The following MED24 variants were observed in gnomAD, a reference collection of about 807,000 sequenced individuals.
MED24 encodes the protein mediator complex subunit 24, also known as mediator of RNA polymerase II transcription subunit 24.
In MED24, 74 loss-of-function variants were observed where a neutral mutation model predicts 118.8. The observed-to-expected ratio is 0.62, with a 90% CI of 0.52 to 0.76. MED24 has a LOEUF of 0.76. Among genes scored for constraint, MED24 ranks in the 30% least tolerant of loss-of-function variants. MED24 has a pLI of 0.00. For synonymous variants in MED24, 521 were observed against 523.9 expected (o/e 0.99, Z 0.08); for missense variants, 1,041 against 1,278.9 (o/e 0.81, Z 2.84).
chr17:40,027,831 C>T, intron 15 of MED24, 78 bp downstream of exon 15: 2 of 1,473,068 alleles, frequency 1.4e-6, no homozygotes, highest in South Asian at 1.1e-5. Flanking sequence ...AGCTGGGGAG[C>T]CCTCCTCCCT....
chr17:40,053,957 C>T (rs898803730), intron 1 of MED24: 4 of 443,060 alleles, frequency 9.0e-6, no homozygotes, highest in African/African-American at 7.8e-5. Flanking sequence ...ATGGAGAAAC[C>T]TCGTCTCCAC....
rs778231409 is a variant in MED24, at chr17:40,053,293, C to T, written c.213+5G>A. ...CTTCTTGGTGGGGGTTTGCGGGAAGCTTACCTGGGAACTAATGGCATACTT... is the reference window on the plus strand; with the variant it reads ...CTTCTTGGTGGGGGTTTGCGGGAAGTTTACCTGGGAACTAATGGCATACTT... On this transcript the variant is annotated splice_donor_5th_base_variant and intron_variant, in intron 3 of 25. Transcript: ENST00000394128. 7 of 1,597,662 alleles carry T rather than the reference C, an allele frequency of 4.4e-6. No individual in the cohort carries two copies. Among genetic ancestry groups the T allele is most frequent in the Non-Finnish European group, 6.0e-6 (7 of 1,172,024 alleles).
chr17:40,042,202 C>G (rs1984629275), intron 3 of MED24, among the ~76,000 whole-genome samples: 1 of 152,110 alleles, frequency 6.6e-6, no homozygotes, highest in South Asian at 2.1e-4. Context: ...TCAAGGAAAT[C>G]TGGATTAAAA....
In MED24 at chr17:40,033,651, G is replaced by A. The variant is rs1568165968; in HGVS notation, c.560-195C>T. The A allele has an allele frequency of 2.9e-6, 2 of 691,986 alleles. No individual in the cohort carries two copies. The highest frequency in any genetic ancestry group is 1.5e-5 in the South Asian group (1 of 66,632). The allele number at this position is 691,986 out of a possible 1,614,324, so 42.9% of individuals were successfully genotyped here. A position where few individuals can be genotyped will look rare whatever the true frequency, so the allele number is the denominator to read the frequency against. Reference sequence around the variant, plus strand: ...AGAAGGGGGGTGGGCACCTAGAGCTGGAAACCCCAGAGACCATTCCCAAAA... The same window carrying A: ...AGAAGGGGGGTGGGCACCTAGAGCTAGAAACCCCAGAGACCATTCCCAAAA... On this transcript the variant is annotated intron_variant, in intron 6 of 25. Coordinates refer to ENST00000394128, the MANE Select transcript of MED24 (RefSeq NM_014815.4). The surrounding 1 kb of genome is among the most constrained non-coding windows in gnomAD (Gnocchi z 5.2).
In MED24 at chr17:40,023,267, CGCTTGGGGGGCA is replaced by C. The variant is rs1982254033; in HGVS notation, c.2102_2113del (p.Leu701_Lys704del). 4 of 1,614,024 alleles carry C rather than the reference CGCTTGGGGGGCA, an allele frequency of 2.5e-6. No homozygotes were observed. The South Asian group carries it at 4.4e-5, about 18-fold the overall frequency. On this transcript the variant is annotated inframe_deletion, in exon 20 of 26. Transcript: ENST00000394128. ...GTCCGTCAGCACCTCTTTGATGGGC[CGCTTGGGGGGCA>C]GCAGGTTCCAGTAGGGCATTGTGTC...
Position 40,035,603 on chromosome 17 carries a change from G to C in MED24, c.326+119C>G. 3 of 1,108,050 alleles carry C rather than the reference G, an allele frequency of 2.7e-6. No individual in the cohort carries two copies. The South Asian group carries it at 4.5e-5, about 17-fold the overall frequency. 68.6% of individuals were successfully genotyped at this position (1,108,050 alleles called of 1,614,324 possible). A position where few individuals can be genotyped will look rare whatever the true frequency, so the allele number is the denominator to read the frequency against. On this transcript the variant is annotated intron_variant, in intron 5 of 25. Transcript: ENST00000394128. ...GGCACAGGTAAGTGTAGATGGGCAG[G>C]TGGGGAGAAAAAACGTTGGAACCCG...
intron 3 of MED24, among the ~76,000 whole-genome samples, chr17:40,045,243 G>GT (rs1428412275): frequency 7.9e-5 from 12 of 151,968 alleles, no homozygotes; most frequent in Non-Finnish European, 1.8e-4. Context: ...GAGGTCAGGA[G>GT]TTTGAGACCA....
At chr17:40,026,581 T>C (rs1982676432) in intron 18 of MED24, 66 bp downstream of exon 18, 1 of 1,444,704 alleles carries the variant, frequency 6.9e-7, no homozygotes, top group Non-Finnish European at 9.5e-7. Context: ...TTACGAAATA[T>C]AACAAGTCAT....
chr17:40,028,720 T>A, intron 14 of MED24, 106 bp downstream of exon 14: 4 of 1,469,950 alleles, frequency 2.7e-6, no homozygotes, highest in Non-Finnish European at 3.7e-6. Context: ...GGCCCGTGGG[T>A]CTCTGGATGA....
Position 40,019,479 on chromosome 17 carries a change from G to A in MED24, c.*50C>T, listed in dbSNP as rs1021258390. ...TTTCCTCACTGCTTCCCTTGGAGGC[G>A]CCTGGGGCTGCGCCAGTCCCCAGCC... On this transcript the variant is annotated 3_prime_UTR_variant, in exon 26 of 26. Transcript: ENST00000394128. The A allele has an allele frequency of 5.3e-6, 8 of 1,500,058 alleles. No individual in the cohort carries two copies. The highest frequency in any genetic ancestry group is 4.2e-5 in the African/African-American group (3 of 72,222). 92.9% of individuals were successfully genotyped at this position (1,500,058 alleles called of 1,614,324 possible). A position where few individuals can be genotyped will look rare whatever the true frequency, so the allele number is the denominator to read the frequency against.
rs8066494 is a variant in MED24 at position 40,047,151 on chromosome 17, T to C, written c.213+6147A>G. The stretch of plus-strand genomic sequence containing the variant: ...ATAAAAAGAATGTACTATTAACATA[T>C]ACAACATAAATAATAAATCTCAAAA... On this transcript the variant is annotated intron_variant, in intron 3 of 25. Coordinates refer to ENST00000394128, the MANE Select transcript of MED24 (RefSeq NM_014815.4). Among the ~76,000 whole-genome samples the C allele has an allele frequency of 5.1e-3, 783 of 152,232 alleles. 5 individuals are homozygous for C. The highest frequency in any genetic ancestry group is 0.018 in the African/African-American group (746 of 41,532).
At chr17:40,051,747 A>G (rs1016962221) in intron 3 of MED24, among the ~76,000 whole-genome samples, 2 of 150,994 alleles carry the variant, frequency 1.3e-5, no homozygotes, top group Non-Finnish European at 2.9e-5. Flanking sequence ...AAATGGTAAA[A>G]CCTCATCTCT....
chr17:40,046,376 C>T (rs1257216442), intron 3 of MED24, among the ~76,000 whole-genome samples: 2 of 148,854 alleles, frequency 1.3e-5, no homozygotes, highest in Admixed American at 6.8e-5. Flanking sequence ...TGATCCACTG[C>T]GCCCAGCCTA....
At chr17:40,047,715 T>C (rs546021019) in intron 3 of MED24, among the ~76,000 whole-genome samples, 86 of 151,182 alleles carry the variant, frequency 5.7e-4, no homozygotes, top group African/African-American at 2.0e-3. Flanking sequence ...AAAAAAACCC[T>C]GACTGAATTG....
chr17:40,033,144 T>C lies in MED24; in HGVS notation c.734A>G (p.His245Arg), dbSNP rs1983574958. The C allele has an allele frequency of 6.2e-7, 1 of 1,614,060 alleles. No homozygotes were observed. Among genetic ancestry groups the C allele is most frequent in the Non-Finnish European group, 8.5e-7 (1 of 1,180,018 alleles). The change falls in exon 8 of 26, where the codon CAC (histidine) becomes CGC (arginine). Residue 245 changes from histidine (H) to arginine (R), a missense_variant. His to Arg is a conservative substitution (Grantham distance 29, BLOSUM62 0). This residue lies in a region of MED24 where 434 missense variants were observed against 514.9 expected (regional missense o/e 0.84). Coordinates refer to ENST00000394128, the MANE Select transcript of MED24 (RefSeq NM_014815.4). This position sits in a 1 kb window ranked among gnomAD's most constrained non-coding sequence, Gnocchi z 5.2. ...GGTGCCCTCGAGCAGGATCACGGCG[T>C]GGACAGTGGGGAAGCCGGTCTTGTG... ...QMHKTGFPTV[H>R]AVILLEGTMN... is the part of the protein sequence containing the mutation.
At chr17:40,037,223 G>A (rs1042053919) in intron 3 of MED24, among the ~76,000 whole-genome samples, 4 of 140,686 alleles carry the variant, frequency 2.8e-5, no homozygotes, top group Non-Finnish European at 5.9e-5. Context: ...AGGGAAGGAA[G>A]GAAGGAAGGA....
Position 40,033,233 on chromosome 17 carries a change from G to A in MED24, c.672-27C>T, listed in dbSNP as rs1307920259. 1.9e-6 allele frequency: 3 copies of A among 1,613,214 alleles called. No individual in the cohort carries two copies. The highest frequency in any genetic ancestry group is 2.5e-6 in the Non-Finnish European group (3 of 1,179,946). ...TGAGGGGTCACAAACACAGGGGACG[G>A]TGTTTGGGGGGCCAAAGGTGAAGGC... On this transcript the variant is annotated intron_variant, in intron 7 of 25. Transcript: ENST00000394128. This position sits in a 1 kb window ranked among gnomAD's most constrained non-coding sequence, Gnocchi z 5.2.
In MED24 at chr17:40,028,876, A is replaced by G. The variant is rs1983039257; in HGVS notation, c.1359T>C (p.Ala453=). The change falls in exon 14 of 26, where the codon GCT becomes GCC. Residue 453 remains alanine (A), a synonymous_variant. Transcript: ENST00000394128. ...LSGKSLDLLL[A]AAAATGKLKS... ...TCAGCTTTCCAGTGGCGGCGGCGGC[A>G]GCCAGCAGCAAGTCCAGACTCTTCC... 1.2e-6 allele frequency: 2 copies of G among 1,613,966 alleles called. No homozygotes were observed. Among genetic ancestry groups the G allele is most frequent in the African/African-American group, 2.7e-5 (2 of 74,932 alleles).
intron 3 of MED24, among the ~76,000 whole-genome samples, chr17:40,037,231 G>GGAAGGAAAGAAGGAAAGAAGGAAA (rs990865670): frequency 2.2e-4 from 33 of 150,692 alleles, no homozygotes; most frequent in African/African-American, 7.6e-4. Context: ...AAGGAAGGAA[G>GGAAGGAAAGAAGGAAAGAAGGAAA]GAAGGAAAGA....
Sources: gnomAD v4.1 joint callset for allele counts (sites outside exome capture counted in the v4.1 genomes callset) on GRCh38, gnomAD v4.1.1 for gene constraint, gnomAD v4.1.1 regional missense constraint, Gnocchi (gnomAD v3.1) non-coding constraint, MANE v1.5 for transcripts, NCBI Gene and HGNC (gene_info 2026-07-23, HGNC 2026-07-21) for gene names.